Variants in CLMP observed in about 807,000 individuals in gnomAD.
CLMP encodes the protein CXADR like cell adhesion molecule.
A neutral mutation model predicts 45.2 loss-of-function variants in CLMP; 27 were observed. The ratio of observed to expected loss-of-function variants is 0.60; its 90% confidence interval spans 0.44 to 0.82. The LOEUF (loss-of-function observed/expected upper bound fraction) is 0.82. Ranked by LOEUF, CLMP falls within the 40% of genes least tolerant of loss-of-function variation. The pLI, the probability that CLMP is intolerant of heterozygous loss-of-function variation, is 0.00. For synonymous variants in CLMP, 167 were observed against 171.4 expected (o/e 0.97, Z 0.20); for missense variants, 403 against 448.4 (o/e 0.90, Z 0.91).
At chr11:123,192,789 T>C (rs1265096864) in intron 1 of CLMP, among the ~76,000 whole-genome samples, 1 of 152,082 alleles carries the variant, frequency 6.6e-6, no homozygotes, top group Non-Finnish European at 1.5e-5. Context: ...TACTGTGCAA[T>C]CTTTAGAAAA....
intron 1 of CLMP, among the ~76,000 whole-genome samples, chr11:123,112,277 C>CA (rs1860649470): frequency 6.6e-6 from 1 of 152,018 alleles, no homozygotes; most frequent in Non-Finnish European, 1.5e-5. Flanking sequence ...GGCAGGCCCA[C>CA]AGAAGGTCAT....
At chr11:123,153,024 T>C (rs1052768697) in intron 1 of CLMP, among the ~76,000 whole-genome samples, 3 of 152,218 alleles carry the variant, frequency 2.0e-5, no homozygotes, top group Non-Finnish European at 4.4e-5. Flanking sequence ...TTTATTCTTT[T>C]TTCCTAAAGG....
At chr11:123,126,474 G>A (rs1393241558) in intron 1 of CLMP, among the ~76,000 whole-genome samples, 3 of 152,100 alleles carry the variant, frequency 2.0e-5, no homozygotes, top group African/African-American at 7.2e-5. Flanking sequence ...GCTCAGGCTG[G>A]TCTTGAACTC....
At chr11:123,164,627 T>C (rs12294366) in intron 1 of CLMP, among the ~76,000 whole-genome samples, 2,521 of 151,982 alleles carry the variant, frequency 0.017, 66 homozygotes, top group African/African-American at 0.057. Context: ...TTTAAATGAA[T>C]GAAAAACTAA....
chr11:123,177,088 T>A (rs1861709715), intron 1 of CLMP, among the ~76,000 whole-genome samples: 1 of 152,150 alleles, frequency 6.6e-6, no homozygotes, highest in Admixed American at 6.5e-5. Flanking sequence ...AGAAAGTTCA[T>A]GAGAGCTTAG....
At chr11:123,189,852 A>G (rs920722334) in intron 1 of CLMP, among the ~76,000 whole-genome samples, 2 of 152,082 alleles carry the variant, frequency 1.3e-5, no homozygotes, top group African/African-American at 4.8e-5. Context: ...AATACAAAAA[A>G]TTAGCTGGGC....
At chr11:123,125,698 G>T (rs1404532540) in intron 1 of CLMP, among the ~76,000 whole-genome samples, 1 of 151,162 alleles carries the variant, frequency 6.6e-6, no homozygotes, top group East Asian at 1.9e-4. Flanking sequence ...CTGCCTCCCG[G>T]GTTCAAGTGA....
intron 5 of CLMP, among the ~76,000 whole-genome samples, chr11:123,079,381 G>C (rs1217892270): frequency 6.6e-6 from 1 of 151,992 alleles, no homozygotes; most frequent in East Asian, 1.9e-4. Context: ...AGGATTTTTG[G>C]GGGCCTCTTT....
chr11:123,145,486 G>A (rs1312907605), intron 1 of CLMP, among the ~76,000 whole-genome samples: 1 of 50,034 alleles, frequency 2.0e-5, no homozygotes, highest in Non-Finnish European at 3.7e-5. Flanking sequence ...TTTTGAGACG[G>A]GAGTCTTGCC....
At position 123,141,659 on chromosome 11, in the gene CLMP, C is replaced by A. The variant is rs560039939; in HGVS notation, c.29-43707G>T. Among the ~76,000 whole-genome samples, 6 of 152,222 alleles carry A rather than the reference C, an allele frequency of 3.9e-5. No individual in the cohort carries two copies. The South Asian group carries it at 1.2e-3, about 32-fold the overall frequency. On this transcript the variant is annotated intron_variant, in intron 1 of 6. Coordinates refer to ENST00000448775, the MANE Select transcript of CLMP (RefSeq NM_024769.5). The stretch of plus-strand genomic sequence containing the variant: ...CTCTTCCTAAGCCCAAATCAAGTTA[C>A]CTGATTCTGGTTCAGAATGGGCTCT...
chr11:123,194,566 C>A (rs2135556716), intron 1 of CLMP, among the ~76,000 whole-genome samples: 1 of 152,302 alleles, frequency 6.6e-6, no homozygotes, highest in Non-Finnish European at 1.5e-5. Flanking sequence ...ACAAAAAACC[C>A]CCACCCTCAG....
At chr11:123,170,822 C>T (rs930477291) in intron 1 of CLMP, among the ~76,000 whole-genome samples, 71 of 152,300 alleles carry the variant, frequency 4.7e-4, no homozygotes, top group African/African-American at 1.6e-3. Context: ...GGCATTAATA[C>T]TCCCTGCTGC....
chr11:123,156,127 G>A (rs542735747), intron 1 of CLMP, among the ~76,000 whole-genome samples: 12 of 152,278 alleles, frequency 7.9e-5, no homozygotes, highest in Non-Finnish European at 1.6e-4. Context: ...GTCCTTATGA[G>A]AAGAAACACC....
chr11:123,082,105 A>G (rs1030805136), intron 5 of CLMP, among the ~76,000 whole-genome samples: 2 of 152,172 alleles, frequency 1.3e-5, no homozygotes, highest in African/African-American at 4.8e-5. Flanking sequence ...GCATGAGCAC[A>G]TGCACATACA....
At chr11:123,192,725 A>G (rs1861925007) in intron 1 of CLMP, among the ~76,000 whole-genome samples, 2 of 152,106 alleles carry the variant, frequency 1.3e-5, no homozygotes, top group African/African-American at 4.8e-5. Flanking sequence ...CATGGAGTCA[A>G]CTGTCCCACA....
rs1443343338 is a variant in CLMP, at chr11:123,084,408, A to C, written c.388+104T>G. Reference sequence around the variant, plus strand: ...GAGGTGACCTCTGAATGTGTAATCCAAAGTACTGAACATGATGTTTTGTAC... The same window carrying C: ...GAGGTGACCTCTGAATGTGTAATCCCAAGTACTGAACATGATGTTTTGTAC... On this transcript the variant is annotated intron_variant, in intron 3 of 6. Transcript: ENST00000448775. The C allele has an allele frequency of 3.3e-6, 3 of 909,714 alleles. No homozygotes were observed. In the Admixed American group the frequency reaches 6.3e-5, roughly 19 times the overall value. The allele number at this position is 909,714 out of a possible 1,614,324, so 56.4% of individuals were successfully genotyped here.
intron 1 of CLMP, among the ~76,000 whole-genome samples, chr11:123,101,044 A>AT (rs1866052383): frequency 1.3e-5 from 2 of 152,096 alleles, no homozygotes; most frequent in Admixed American, 6.6e-5. Flanking sequence ...CTATTCTTGT[A>AT]TCCCCCCAAG....
At chr11:123,085,156 C>T (rs1029976576) in intron 2 of CLMP, among the ~76,000 whole-genome samples, 3 of 148,928 alleles carry the variant, frequency 2.0e-5, no homozygotes, top group Admixed American at 6.7e-5. Flanking sequence ...GAGCTTGGAA[C>T]GATGTCGGCA....
At chr11:123,129,481 T>G (rs1245368159) in intron 1 of CLMP, among the ~76,000 whole-genome samples, 1 of 140,662 alleles carries the variant, frequency 7.1e-6, no homozygotes, top group East Asian at 2.0e-4. Flanking sequence ...ATATTATAGA[T>G]TATATATAAT....
Sources: allele counts gnomAD v4.1 joint callset (sites outside exome capture counted in the v4.1 genomes callset), GRCh38; gene constraint gnomAD v4.1.1; transcripts MANE v1.5; gene names NCBI Gene and HGNC (gene_info 2026-07-23, HGNC 2026-07-21).